Variants in POU6F2 observed in about 807,000 individuals in gnomAD.
POU6F2 encodes POU domain, class 6, transcription factor 2.
POU6F2 carries 31 observed loss-of-function variants against 71.3 expected under a neutral mutation model. That is an observed-to-expected ratio of 0.43 (90% CI 0.33 to 0.59). The LOEUF is 0.59. POU6F2 is among the 20% of genes least tolerant of loss of function. POU6F2 has a pLI of 0.04. For synonymous variants in POU6F2, 347 were observed against 355.7 expected (o/e 0.98, Z 0.27); for missense variants, 783 against 856.8 (o/e 0.91, Z 1.07).
rs760420225 is a variant in POU6F2 at position 39,207,632 on chromosome 7, T to G, written c.598+12T>G. Reference sequence around the variant, plus strand: ...GCAAAATCTACAAGGTAATCCATAATGTCCATGCGCCACGTAAGGCTCTAC... The same window carrying G: ...GCAAAATCTACAAGGTAATCCATAAGGTCCATGCGCCACGTAAGGCTCTAC... On this transcript the variant is annotated intron_variant, in intron 4 of 9. Transcript: ENST00000518318. 4 of 1,609,480 alleles carry G rather than the reference T, an allele frequency of 2.5e-6. No homozygotes were observed. The East Asian group carries it at 6.7e-5, about 27-fold the overall frequency.
intron 4 of POU6F2, among the ~76,000 whole-genome samples, chr7:39,285,038 CAG>C (rs1491200667): frequency 3.3e-5 from 5 of 152,220 alleles, no homozygotes; most frequent in African/African-American, 1.2e-4. Context: ...GCATCCCTCA[CAG>C]GGGATACCAT....
At chr7:39,277,053 A>G (rs1784455467) in intron 4 of POU6F2, among the ~76,000 whole-genome samples, 1 of 152,126 alleles carries the variant, frequency 6.6e-6, no homozygotes, top group Non-Finnish European at 1.5e-5. Context: ...AAAGTCTAAT[A>G]ATAATTTTTA....
intron 1 of POU6F2, among the ~76,000 whole-genome samples, chr7:39,074,208 G>A (rs1264788578): frequency 2.0e-5 from 3 of 152,130 alleles, no homozygotes; most frequent in Middle Eastern, 3.2e-3. Context: ...AATTAGCTGG[G>A]CGTAATGGCT....
At chr7:39,257,566 T>A (rs1784050052) in intron 4 of POU6F2, among the ~76,000 whole-genome samples, 1 of 152,022 alleles carries the variant, frequency 6.6e-6, no homozygotes, top group Non-Finnish European at 1.5e-5. Context: ...AGGGTGGGTG[T>A]CAAAGGCACA....
intron 2 of POU6F2, among the ~76,000 whole-genome samples, chr7:39,194,156 A>G (rs1275580785): frequency 6.6e-6 from 1 of 152,224 alleles, no homozygotes; most frequent in Non-Finnish European, 1.5e-5. Context: ...CTCAAATCCT[A>G]CCTTGCTCAC....
intron 4 of POU6F2, among the ~76,000 whole-genome samples, chr7:39,312,254 AATTAAT>A (rs1267655818): frequency 1.3e-5 from 2 of 152,214 alleles, no homozygotes; most frequent in African/African-American, 4.8e-5. Context: ...TTCTGGGAAA[AATTAAT>A]AGTGAATCTT....
At chr7:39,320,980 CAGG>C (rs1785378117) in intron 4 of POU6F2, among the ~76,000 whole-genome samples, 1 of 152,162 alleles carries the variant, frequency 6.6e-6, no homozygotes, top group African/African-American at 2.4e-5. Context: ...CGCTTGATCC[CAGG>C]AGGTCGAGGC....
intron 1 of POU6F2, among the ~76,000 whole-genome samples, chr7:39,010,774 G>A (rs1290658180): frequency 2.4e-4 from 34 of 144,128 alleles, no homozygotes; most frequent in African/African-American, 7.2e-4. Flanking sequence ...CCTTCATTTC[G>A]TTATGTACCC....
At chr7:39,023,429 G>A (rs1447422154) in intron 1 of POU6F2, among the ~76,000 whole-genome samples, 1 of 151,986 alleles carries the variant, frequency 6.6e-6, no homozygotes, top group Non-Finnish European at 1.5e-5. Flanking sequence ...ATGTGGCAAT[G>A]TCGCAACGTC....
intron 6 of POU6F2, among the ~76,000 whole-genome samples, chr7:39,421,480 T>A (rs916434623): frequency 6.6e-6 from 1 of 152,210 alleles, no homozygotes; most frequent in African/African-American, 2.4e-5. Context: ...CACCCTCTTT[T>A]TTTCTTAGAG....
intron 4 of POU6F2, among the ~76,000 whole-genome samples, chr7:39,324,381 A>G (rs1260840678): frequency 1.3e-5 from 2 of 152,178 alleles, no homozygotes; most frequent in African/African-American, 4.8e-5. Flanking sequence ...AGAGAAAGTG[A>G]TGGGGGCTAC....
At chr7:39,245,782 A>G (rs554272598) in intron 4 of POU6F2, among the ~76,000 whole-genome samples, 1 of 152,310 alleles carries the variant, frequency 6.6e-6, no homozygotes, top group Admixed American at 6.5e-5. Context: ...TCAGTGGGGA[A>G]AGAATCCTGA....
intron 1 of POU6F2, among the ~76,000 whole-genome samples, chr7:39,012,866 G>T (rs1457386006): frequency 2.0e-5 from 3 of 152,228 alleles, no homozygotes; most frequent in Non-Finnish European, 2.9e-5. Context: ...CCCACTTGAG[G>T]AGGCAGTCTG....
intron 1 of POU6F2, among the ~76,000 whole-genome samples, chr7:39,053,144 G>A (rs1258354522): frequency 6.6e-6 from 1 of 152,082 alleles, no homozygotes; most frequent in Non-Finnish European, 1.5e-5. Flanking sequence ...TAAGATGATG[G>A]AAGAAGAAGA....
chr7:38,984,707 G>A (rs539548163), intron 1 of POU6F2, among the ~76,000 whole-genome samples: 13 of 152,226 alleles, frequency 8.5e-5, no homozygotes, highest in East Asian at 5.8e-4. Context: ...CCAGTGCTCC[G>A]ATGCTGTGAA....
At chr7:39,444,963 A>C (rs1788488748) in intron 7 of POU6F2, among the ~76,000 whole-genome samples, 1 of 152,216 alleles carries the variant, frequency 6.6e-6, no homozygotes, top group African/African-American at 2.4e-5. Context: ...AAATCAAAGC[A>C]TTAAGATTTT....
At chr7:39,291,834 C>T (rs961448618) in intron 4 of POU6F2, among the ~76,000 whole-genome samples, 4 of 152,052 alleles carry the variant, frequency 2.6e-5, no homozygotes, top group African/African-American at 7.2e-5. Flanking sequence ...GACGAATGAG[C>T]GGAGTTTGAC....
rs940700896 is a variant in POU6F2, at chr7:39,235,587, G to A, written c.598+27967G>A. On this transcript the variant is annotated intron_variant, in intron 4 of 9. Coordinates refer to ENST00000518318, the MANE Select transcript of POU6F2 (RefSeq NM_001370959.1). The stretch of plus-strand genomic sequence containing the variant: ...GGTCCTTGGTGTTGACAAGACCTCA[G>A]TCTAGATCAGATTGCATTTTATCCC... Among the ~76,000 whole-genome samples the A allele has an allele frequency of 7.5e-4, 114 of 152,160 alleles. 2 individuals are homozygous for A. Among genetic ancestry groups the A allele is most frequent in the Non-Finnish European group, 1.8e-4 (12 of 68,026 alleles).
At chr7:39,130,147 G>GGTGTGT (rs10600961) in intron 2 of POU6F2, among the ~76,000 whole-genome samples, 19 of 143,430 alleles carry the variant, frequency 1.3e-4, no homozygotes, top group East Asian at 2.0e-4. Flanking sequence ...GAAAGGGGTA[G>GGTGTGT]GTGTGTGTGT....
Sources: gnomAD v4.1 joint callset for allele counts (sites outside exome capture counted in the v4.1 genomes callset) on GRCh38, gnomAD v4.1.1 for gene constraint, MANE v1.5 for transcripts, NCBI Gene and HGNC (gene_info 2026-07-23, HGNC 2026-07-21) for gene names.